Variants in IPO4 observed in about 807,000 individuals in gnomAD.
The protein encoded by IPO4 is importin 4.
Under a neutral mutation model 133.5 loss-of-function variants are expected in IPO4, and 91 were observed. The ratio of observed to expected loss-of-function variants is 0.68; its 90% CI spans 0.58 to 0.81. The LOEUF is 0.81. IPO4 is among the 30% of genes least tolerant of loss of function. IPO4 has a pLI of 0.00. For missense variants in IPO4, 1,279 were observed against 1,386.2 expected (o/e 0.92, Z 1.23); for synonymous variants, 607 against 581.6 (o/e 1.04, Z -0.63).
chr14:24,184,239 C>A (rs1174372682), intron 17 of IPO4, 59 bp downstream of exon 17: 2 of 1,564,448 alleles, frequency 1.3e-6, no homozygotes, highest in Non-Finnish European at 1.7e-6. Flanking sequence ...TCCAGTGGGT[C>A]CAGTGGGAAG....
Position 24,185,232 on chromosome 14 carries a change from G to A in IPO4, c.1359C>T (p.His453=), listed in dbSNP as rs2039202005. 6.2e-7 allele frequency: 1 copy of A among 1,614,146 alleles called. No individual in the cohort carries two copies. The highest frequency in any genetic ancestry group is 1.1e-5 in the South Asian group (1 of 91,078). The change falls in exon 14 of 30, where the codon CAC becomes CAT. Residue 453 remains histidine, a synonymous_variant. Transcript: ENST00000354464. ...YLKSVPLGHT[H]HLAKACYALE... is the part of the protein sequence containing the mutation. ...GGGCATAGCAGGCCTTGGCTAGGTG[G>A]TGTGTGTGTCCAAGAGGCACCGACT... is the stretch of plus-strand genomic sequence containing the variant.
At position 24,181,784 on chromosome 14, in the gene IPO4, C is replaced by T. The variant is rs202194751; in HGVS notation, c.2867G>A (p.Arg956His). 2.4e-4 allele frequency: 385 copies of T among 1,601,344 alleles called. 1 individual carries two copies. The South Asian group carries it at 2.9e-3, about 12-fold the overall frequency. Residue 956 changes from arginine (R) to histidine (H), a missense_variant, in exon 27 of 30, where the codon CGT becomes CAT. This residue lies in a region of IPO4 where 575 missense variants were observed against 653.4 expected (regional missense o/e 0.88). Coordinates refer to ENST00000354464, the MANE Select transcript of IPO4 (RefSeq NM_024658.4). ...FPLLARERHD[R>H]VRDNICGALA... is the part of the protein sequence containing the mutation. ...TGCCCCACAGATGTTGTCACGGACACGATCATGTCGCTCCCGCGCCAGGAG... is the reference window on the plus strand; with the variant it reads ...TGCCCCACAGATGTTGTCACGGACATGATCATGTCGCTCCCGCGCCAGGAG...
chr14:24,185,078 C>CT, intron 14 of IPO4, 98 bp from the exon 15 acceptor site: 1 of 1,590,656 alleles, frequency 6.3e-7, no homozygotes, highest in East Asian at 2.2e-5. Context: ...CCATCACACC[C>CT]TTTCCCCTAC....
chr14:24,184,740 G>C lies in IPO4; in HGVS notation c.1546C>G (p.Leu516Val). 1 of 1,613,082 alleles carries C rather than the reference G, an allele frequency of 6.2e-7. No individual in the cohort carries two copies. The highest frequency in any genetic ancestry group is 1.3e-5 in the African/African-American group (1 of 75,056). Residue 516 changes from leucine (L) to valine (V), a missense_variant, in exon 16 of 30, where the codon CTG becomes GTG. Leu to Val is a conservative substitution (Grantham distance 32). Transcript: ENST00000354464. ...AIATAAQASLLPYFPAIMEHL... is the reference protein window; with the variant it reads ...AIATAAQASLVPYFPAIMEHL... ...TCCATGATGGCAGGGAAGTAGGGCA[G>C]CAGCGAGGCCTGGGCAGCCGTAGCT...
rs763749928 is a variant in IPO4, at chr14:24,180,719, G to A, written c.3085C>T (p.Leu1029Phe). Residue 1029 changes from leucine (L) to phenylalanine (F), a missense_variant, in exon 29 of 30, where the codon CTC becomes TTC. This residue lies in a region of IPO4 where 575 missense variants were observed against 653.4 expected (regional missense o/e 0.88). Transcript: ENST00000354464. ...GGGATCTTGTTGTCAGCCAGAATGA[G>A]GCTGCAGATACGCAGAAGCTCGGGA... is the stretch of plus-strand genomic sequence containing the variant. ...VAPELLRICS[L>F]ILADNKIPPD... The A allele has an allele frequency of 1.2e-6, 2 of 1,614,150 alleles. No individual in the cohort carries two copies. Among genetic ancestry groups the A allele is most frequent in the South Asian group, 1.1e-5 (1 of 91,086 alleles).
intron 19 of IPO4, 24 bp from the exon 20 acceptor site, chr14:24,183,691 G>A (rs2138812060): frequency 6.2e-7 from 1 of 1,614,070 alleles, no homozygotes; most frequent in Non-Finnish European, 8.5e-7. Flanking sequence ...GGGAGGCAGT[G>A]GTGATCAGGC....
At chr14:24,187,828 C>T (rs1389510890) in intron 4 of IPO4, 32 bp from the exon 5 acceptor site, 1 of 1,612,678 alleles carries the variant, frequency 6.2e-7, no homozygotes, top group Non-Finnish European at 8.5e-7. Context: ...TCCAATCACC[C>T]TTCAATACCT....
chr14:24,188,468 C>T, intron 2 of IPO4, 45 bp from the exon 3 acceptor site: 2 of 1,608,860 alleles, frequency 1.2e-6, no homozygotes, highest in Non-Finnish European at 1.7e-6. Context: ...CAGGAAGGTG[C>T]TGAGCGGACC....
At position 24,187,133 on chromosome 14, in the gene IPO4, C is replaced by T. The variant is rs1450714042; in HGVS notation, c.606G>A (p.Leu202=). 6.2e-7 allele frequency: 1 copy of T among 1,613,862 alleles called. No individual in the cohort carries two copies. The highest frequency in any genetic ancestry group is 8.5e-7 in the Non-Finnish European group (1 of 1,179,816). The part of the protein sequence containing the change: ...STEDVPLARM[L]VPKLIMAMQT... ...GCATGGCCATGATCAGCTTGGGCAC[C>T]AACATCCGAGCGAGAGGCTGAGGGA... Residue 202 remains leucine, a synonymous_variant, in exon 7 of 30, where the codon TTG becomes TTA. Coordinates refer to ENST00000354464, the MANE Select transcript of IPO4 (RefSeq NM_024658.4).
chr14:24,182,241 G>A (rs762770458), intron 25 of IPO4, 37 bp downstream of exon 25: 3 of 1,613,792 alleles, frequency 1.9e-6, no homozygotes, highest in Non-Finnish European at 2.5e-6. Flanking sequence ...GGGTGCACGA[G>A]GGGACTAGGG....
chr14:24,183,281 A>G lies in IPO4; in HGVS notation c.2196T>C (p.Cys732=), dbSNP rs572506809. ...TGTTGGGTTCCGAGGGGCAGCTTTG[A>G]CAGGCCTTGTGCAGTGCACAGCAAA... ...GQFCCALHKA[C]QSCPSEPNTA... Residue 732 remains cysteine (C), a synonymous_variant, in exon 22 of 30, where the codon TGT becomes TGC. Transcript: ENST00000354464. 1.9e-6 allele frequency: 3 copies of G among 1,613,638 alleles called. No homozygotes were observed. In the South Asian group the frequency reaches 3.3e-5, roughly 18 times the overall value.
chr14:24,181,649 C>T, intron 27 of IPO4, 32 bp from the exon 28 acceptor site: 2 of 1,613,890 alleles, frequency 1.2e-6, no homozygotes, highest in Non-Finnish European at 1.7e-6. Flanking sequence ...GCCAACCTGC[C>T]CTGCCCTCCA....
At position 24,180,354 on chromosome 14, in the gene IPO4, T is replaced by A; in HGVS notation, c.*88A>T. 6.6e-7 allele frequency: 1 copy of A among 1,526,184 alleles called. No individual in the cohort carries two copies. Among genetic ancestry groups the A allele is most frequent in the Non-Finnish European group, 8.8e-7 (1 of 1,132,172 alleles). 94.5% of individuals were successfully genotyped at this position (1,526,184 alleles called of 1,614,324 possible). On this transcript the variant is annotated 3_prime_UTR_variant, in exon 30 of 30. Transcript: ENST00000354464. Reference sequence around the variant, plus strand: ...CCAAATGGGTATGAGTCTCAGAATCTTTGGTAAGGCAGAACTGAACTGGGC... The same window carrying A: ...CCAAATGGGTATGAGTCTCAGAATCATTGGTAAGGCAGAACTGAACTGGGC...
chr14:24,185,202 C>T lies in IPO4; in HGVS notation c.1389G>A (p.Glu463=). The part of the protein sequence containing the change: ...HHLAKACYAL[E]NFVENLGPKV... ...CACTACCTAGGTTCTCCACAAAATT[C>T]TCCAGGGCATAGCAGGCCTTGGCTA... The change falls in exon 14 of 30, where the codon GAG becomes GAA. Residue 463 remains glutamate, a synonymous_variant. Transcript: ENST00000354464. 6 of 1,614,126 alleles carry T rather than the reference C, an allele frequency of 3.7e-6. No individual in the cohort carries two copies. The highest frequency in any genetic ancestry group is 5.1e-6 in the Non-Finnish European group (6 of 1,180,002).
chr14:24,186,592 C>T, intron 9 of IPO4, 116 bp downstream of exon 9: 1 of 1,357,822 alleles, frequency 7.4e-7, no homozygotes, highest in Non-Finnish European at 1.0e-6. Flanking sequence ...GAGGCCAGGC[C>T]AAGGCTTGAA....
chr14:24,183,044 G>C lies in IPO4; in HGVS notation c.2353C>G (p.Leu785Val), dbSNP rs529286076. ...LTGVLRSCGT[L>V]TLKPPGRLAE... is the part of the protein sequence containing the mutation. ...AGGCGCCCAGGGGGCTTCAGTGTGAGGGTCCCACAGCTGCGGAGCACCCCT... is the reference window on the plus strand; with the variant it reads ...AGGCGCCCAGGGGGCTTCAGTGTGACGGTCCCACAGCTGCGGAGCACCCCT... The change falls in exon 23 of 30, where the codon CTC becomes GTC. Residue 785 changes from leucine (L) to valine (V), a missense_variant. Coordinates refer to ENST00000354464, the MANE Select transcript of IPO4 (RefSeq NM_024658.4). The C allele has an allele frequency of 1.2e-6, 2 of 1,613,828 alleles. No individual in the cohort carries two copies. Among genetic ancestry groups the C allele is most frequent in the African/African-American group, 1.3e-5 (1 of 75,052 alleles).
rs373701293 is a variant in IPO4 at position 24,187,598 on chromosome 14, T to C, written c.409-19A>G. The C allele has an allele frequency of 6.2e-6, 10 of 1,614,004 alleles. No individual in the cohort carries two copies. In the East Asian group the frequency reaches 1.1e-4, roughly 18 times the overall value. On this transcript the variant is annotated intron_variant, in intron 5 of 29. Transcript: ENST00000354464. ...GCCCCATCTGTCCAAGAATAGAGGATGGGAGAGCAAGCTTACAAGGTCTAT... is the reference window on the plus strand; with the variant it reads ...GCCCCATCTGTCCAAGAATAGAGGACGGGAGAGCAAGCTTACAAGGTCTAT...
rs770058613 is a variant in IPO4 at position 24,180,758 on chromosome 14, C to T, written c.3046G>A (p.Val1016Ile). The T allele has an allele frequency of 2.6e-5, 42 of 1,613,566 alleles. No homozygotes were observed. The highest frequency in any genetic ancestry group is 1.2e-4 in the South Asian group (11 of 91,052). ...SFLYQSSPDQ[V>I]IDVAPELLRI... ...AGAAGCTCGGGAGCCACATCTATAA[C>T]CTGTGAGGAAAGAGTGGCTGACTCA... Residue 1016 changes from valine (V) to isoleucine (I), a missense_variant and splice_region_variant, in exon 29 of 30, where the codon GTT becomes ATT. By Grantham distance (29) the Val-to-Ile change is conservative. Around this residue, in one of 3 missense-constraint regions of IPO4, gnomAD observed 575 missense variants for 653.4 expected, o/e 0.88. Coordinates refer to ENST00000354464, the MANE Select transcript of IPO4 (RefSeq NM_024658.4).
chr14:24,181,886 T>C (rs1294659781), intron 26 of IPO4, 43 bp from the exon 27 acceptor site: 26 of 1,604,568 alleles, frequency 1.6e-5, no homozygotes, highest in Admixed American at 3.3e-5. Context: ...AGGTAGACCT[T>C]GCCCACCTGC....
Sources: gnomAD v4.1 joint callset for allele counts on GRCh38, gnomAD v4.1.1 for gene constraint, gnomAD v4.1.1 regional missense constraint, MANE v1.5 for transcripts, NCBI Gene and HGNC (gene_info 2026-07-23, HGNC 2026-07-21) for gene names.